The following CCDC102B variants were observed in gnomAD, a reference collection of about 807,000 sequenced individuals.
CCDC102B encodes coiled-coil domain-containing protein 102B.
CCDC102B carries 75 observed loss-of-function variants against 57.4 expected under a neutral mutation model. The ratio of observed to expected loss-of-function variants is 1.31; its 90% CI spans 1.08 to 1.58. The LOEUF (loss-of-function observed/expected upper bound fraction) is 1.58. Ranked by LOEUF, CCDC102B falls within the 40% of genes most tolerant of loss-of-function variation. The probability of loss-of-function intolerance (pLI) is 0.00; values close to 1 mark genes in which losing one functional copy is unlikely to be tolerated. For missense variants in CCDC102B, 636 were observed against 582.6 expected (o/e 1.09, Z -0.94); for synonymous variants, 206 against 201.9 (o/e 1.02, Z -0.17).
At chr18:69,008,873 T>C (rs1313473880) in intron 6 of CCDC102B, among the ~76,000 whole-genome samples, 2 of 152,194 alleles carry the variant, frequency 1.3e-5, no homozygotes, top group African/African-American at 4.8e-5. Context: ...TGGACATCTC[T>C]CCATGTGAAT....
intron 5 of CCDC102B, among the ~76,000 whole-genome samples, chr18:68,887,770 A>T (rs1184596754): frequency 6.6e-6 from 1 of 152,234 alleles, no homozygotes; most frequent in Non-Finnish European, 1.5e-5. Context: ...TAAAAGCTTG[A>T]TACATCAAAA....
chr18:68,765,329 GAAAGAAAGAAAGAAA>G (rs2034410538), intron 2 of CCDC102B, among the ~76,000 whole-genome samples: 2 of 60,016 alleles, frequency 3.3e-5, no homozygotes, highest in African/African-American at 1.1e-4. Context: ...AGGAAGGAAA[GAAAGAAAGAAAGAAA>G]GAAAGAAAGA....
intron 7 of CCDC102B, among the ~76,000 whole-genome samples, chr18:69,034,605 A>C (rs2052237311): frequency 6.6e-6 from 1 of 152,006 alleles, no homozygotes; most frequent in East Asian, 1.9e-4. Context: ...CATTGTCTTG[A>C]GCACTATAGC....
chr18:68,878,903 G>A (rs535761607), intron 5 of CCDC102B, among the ~76,000 whole-genome samples: 3 of 152,272 alleles, frequency 2.0e-5, no homozygotes, highest in African/African-American at 4.8e-5. Context: ...ACGGACCCTC[G>A]TGGTGAGTGT....
chr18:69,046,989 G>C lies in CCDC102B; in HGVS notation c.1435-7041G>C, dbSNP rs181039471. Among the ~76,000 whole-genome samples the C allele has an allele frequency of 1.3e-4, 20 of 152,158 alleles. No homozygotes were observed. The East Asian group carries it at 3.3e-3, about 25-fold the overall frequency. ...TTTGTATCAGTACCATGCTGTTTTGGTTACTGTAGCCTTGTAGTATAGTTT... is the reference window on the plus strand; with the variant it reads ...TTTGTATCAGTACCATGCTGTTTTGCTTACTGTAGCCTTGTAGTATAGTTT... On this transcript the variant is annotated intron_variant, in intron 7 of 7. Coordinates refer to ENST00000360242, the MANE Select transcript of CCDC102B (RefSeq NM_024781.3).
intron 6 of CCDC102B, among the ~76,000 whole-genome samples, chr18:68,964,562 T>C (rs1482994963): frequency 6.6e-6 from 1 of 151,946 alleles, no homozygotes; most frequent in East Asian, 1.9e-4. Flanking sequence ...TAAATTAATA[T>C]AGCTAACTCA....
intron 2 of CCDC102B, chr18:68,754,115 CTT>C (rs1422386684): frequency 6.6e-6 from 1 of 151,998 alleles, no homozygotes; most frequent in Non-Finnish European, 1.5e-5. Context: ...CATATTATTA[CTT>C]GGGTGTAAAT....
chr18:68,998,577 C>T (rs1252136871), intron 6 of CCDC102B, among the ~76,000 whole-genome samples: 8 of 104,172 alleles, frequency 7.7e-5, no homozygotes, highest in African/African-American at 1.5e-4. Context: ...GAAGCCAGTC[C>T]GAGTACCAAA....
At chr18:69,013,248 A>T (rs771165446) in intron 7 of CCDC102B, among the ~76,000 whole-genome samples, 4 of 148,168 alleles carry the variant, frequency 2.7e-5, no homozygotes, top group African/African-American at 7.4e-5. Context: ...GCTGGAGGCC[A>T]TTTTTTTTTT....
intron 2 of CCDC102B, among the ~76,000 whole-genome samples, chr18:68,768,173 A>G (rs2034527943): frequency 6.6e-6 from 1 of 152,178 alleles, no homozygotes; most frequent in South Asian, 2.1e-4. Context: ...GAATAAAGTT[A>G]TTGATTCCCT....
At chr18:68,972,044 T>A (rs931396399) in intron 6 of CCDC102B, among the ~76,000 whole-genome samples, 3 of 152,114 alleles carry the variant, frequency 2.0e-5, no homozygotes, top group Non-Finnish European at 4.4e-5. Flanking sequence ...GGAAAGGATA[T>A]CTTTATTTAC....
intron 6 of CCDC102B, among the ~76,000 whole-genome samples, chr18:68,903,062 G>C (rs2040507104): frequency 6.6e-6 from 1 of 152,128 alleles, no homozygotes; most frequent in Non-Finnish European, 1.5e-5. Flanking sequence ...AAAAAATAAA[G>C]GTAAATGAGT....
intron 4 of CCDC102B, among the ~76,000 whole-genome samples, chr18:68,855,411 C>A (rs2038337815): frequency 6.6e-6 from 1 of 152,160 alleles, no homozygotes; most frequent in Non-Finnish European, 1.5e-5. Flanking sequence ...GGCATAAATG[C>A]TGTAATCCTT....
intron 7 of CCDC102B, among the ~76,000 whole-genome samples, chr18:69,046,831 A>G (rs959519170): frequency 2.0e-5 from 3 of 152,160 alleles, no homozygotes; most frequent in Non-Finnish European, 4.4e-5. Flanking sequence ...CAGTTATCCC[A>G]GCACCATTTA....
At chr18:68,763,899 T>C (rs1382708596) in intron 2 of CCDC102B, among the ~76,000 whole-genome samples, 1 of 152,034 alleles carries the variant, frequency 6.6e-6, no homozygotes, top group Non-Finnish European at 1.5e-5. Flanking sequence ...CATCATCATA[T>C]AATAATTACC....
chr18:69,025,073 T>C (rs562431597), intron 7 of CCDC102B, among the ~76,000 whole-genome samples: 1 of 152,242 alleles, frequency 6.6e-6, no homozygotes, highest in South Asian at 2.1e-4. Flanking sequence ...TATTTAATTA[T>C]TTTTTATTCT....
At chr18:68,863,861 A>G (rs1056792864) in intron 4 of CCDC102B, among the ~76,000 whole-genome samples, 1 of 151,980 alleles carries the variant, frequency 6.6e-6, no homozygotes, top group Non-Finnish European at 1.5e-5. Flanking sequence ...TCTATTGTGT[A>G]CAATTGACGT....
intron 2 of CCDC102B, among the ~76,000 whole-genome samples, chr18:68,746,713 G>A (rs535836129): frequency 1.3e-5 from 2 of 151,410 alleles, no homozygotes; most frequent in Non-Finnish European, 2.9e-5. Context: ...CGGATTCCAT[G>A]TCATTATTGG....
At chr18:68,805,727 G>A (rs1030423252) in intron 1 of CCDC102B, among the ~76,000 whole-genome samples, 4 of 152,124 alleles carry the variant, frequency 2.6e-5, no homozygotes, top group African/African-American at 7.2e-5. Flanking sequence ...CAGTGAGTGG[G>A]TGAGGTCATA....
Sources: gnomAD v4.1 joint callset for allele counts (sites outside exome capture counted in the v4.1 genomes callset) on GRCh38, gnomAD v4.1.1 for gene constraint, MANE v1.5 for transcripts, NCBI Gene and HGNC (gene_info 2026-07-23, HGNC 2026-07-21) for gene names.